OR14A2: variants seen among roughly 807,000 people sequenced by gnomAD.
OR14A2 encodes olfactory receptor 14A2.
For missense variants in OR14A2, 237 were observed against 152.9 expected, an observed-to-expected ratio of 1.55 and a Z score of -2.90; for synonymous variants, 114 against 58.6, an observed-to-expected ratio of 1.95 and a Z score of -4.32.
chr1:247,741,533 A>T, the OR14A2 span, among the ~76,000 whole-genome samples: 2 of 152,220 alleles, frequency 1.3e-5, no homozygotes, highest in Non-Finnish European at 2.9e-5. Flanking sequence ...TGTGTTTGAG[A>T]ACTGAAGGCA....
At chr1:247,725,748 T>C (rs1045960321), upstream of OR14A2, among the ~76,000 whole-genome samples, 1 of 133,470 alleles carries the variant, frequency 7.5e-6, no homozygotes, top group Admixed American at 7.7e-5. Flanking sequence ...GATCTCATTG[T>C]TCAGTTCCCA....
At chr1:247,737,834 A>C in the OR14A2 span, among the ~76,000 whole-genome samples, 1 of 152,136 alleles carries the variant, frequency 6.6e-6, no homozygotes, top group Non-Finnish European at 1.5e-5. Context: ...GACACACTGC[A>C]TCTCTGGTTA....
the OR14A2 span, among the ~76,000 whole-genome samples, chr1:247,745,659 A>G: frequency 6.6e-6 from 1 of 152,138 alleles, no homozygotes; most frequent in South Asian, 2.1e-4. Flanking sequence ...TATATAGAAA[A>G]CTTAAGCAAA....
At chr1:247,734,474 ATTAAT>A in the OR14A2 span, among the ~76,000 whole-genome samples, 4 of 152,190 alleles carry the variant, frequency 2.6e-5, no homozygotes, top group African/African-American at 9.7e-5. Context: ...GTATCTACTG[ATTAAT>A]TTAACAAAAT....
the OR14A2 span, among the ~76,000 whole-genome samples, chr1:247,742,783 A>G: frequency 6.6e-6 from 1 of 152,238 alleles, no homozygotes; most frequent in Non-Finnish European, 1.5e-5. Context: ...GGAGGATACA[A>G]AGATGGGGAA....
upstream of OR14A2, among the ~76,000 whole-genome samples, chr1:247,724,967 CA>C (rs941227456): frequency 6.6e-6 from 1 of 151,232 alleles, no homozygotes; most frequent in African/African-American, 2.4e-5. Context: ...TTGAAAAGAT[CA>C]AAAAAATGTT....
the OR14A2 span, among the ~76,000 whole-genome samples, chr1:247,741,198 G>A: frequency 6.6e-6 from 1 of 152,122 alleles, no homozygotes; most frequent in Non-Finnish European, 1.5e-5. Context: ...ATATCTTCTA[G>A]TGAGCTTTGC....
the OR14A2 span, among the ~76,000 whole-genome samples, chr1:247,746,007 A>G: frequency 6.6e-6 from 1 of 152,150 alleles, no homozygotes. Flanking sequence ...ATCACCTTAA[A>G]ACAGGGAAAA....
the OR14A2 span, among the ~76,000 whole-genome samples, chr1:247,733,776 A>G: frequency 2.0e-5 from 3 of 152,194 alleles, no homozygotes; most frequent in Non-Finnish European, 4.4e-5. Flanking sequence ...CTGGATCAAA[A>G]AGGATTATTC....
At chr1:247,738,688 A>C in the OR14A2 span, 6 of 780,738 alleles carry the variant, frequency 7.7e-6, no homozygotes, top group African/African-American at 1.7e-5. Flanking sequence ...CTGAGGCTGC[A>C]TGCTTTGCTC....
upstream of OR14A2, among the ~76,000 whole-genome samples, chr1:247,728,572 C>T (rs1025442327): frequency 7.2e-5 from 11 of 151,868 alleles, no homozygotes; most frequent in African/African-American, 1.2e-4. Context: ...AGTTCTGGCC[C>T]GGGCATTTAG....
upstream of OR14A2, among the ~76,000 whole-genome samples, chr1:247,727,976 C>T (rs1206543866): frequency 1.4e-5 from 2 of 144,784 alleles, no homozygotes; most frequent in South Asian, 2.2e-4. Context: ...GGATTCACAG[C>T]CGAATTCTAC....
upstream of OR14A2, among the ~76,000 whole-genome samples, chr1:247,728,719 C>T (rs1047927773): frequency 6.6e-6 from 1 of 152,088 alleles, no homozygotes; most frequent in Non-Finnish European, 1.5e-5. Flanking sequence ...AGTACTTTAA[C>T]ATTTTACCAA....
the OR14A2 span, chr1:247,739,430 G>A: frequency 7.7e-6 from 6 of 780,650 alleles, no homozygotes; most frequent in African/African-American, 8.5e-5. Context: ...ACTTGCTGGT[G>A]TCTGTGTTCT....
At chr1:247,734,095 C>T in the OR14A2 span, among the ~76,000 whole-genome samples, 74 of 152,274 alleles carry the variant, frequency 4.9e-4, 2 homozygotes, top group East Asian at 0.013. Flanking sequence ...CCTCCAAGAC[C>T]TCTGAATCTG....
chr1:247,724,008 A>G (rs1660274025), exon 1 of OR14A2: 2 of 715,086 alleles, frequency 2.8e-6, no homozygotes, highest in South Asian at 1.5e-5. Context: ...AAAACCCCAT[A>G]AGAAGAAATC....
At chr1:247,723,794 G>A in exon 1 of OR14A2, 1 of 718,112 alleles carries the variant, frequency 1.4e-6, no homozygotes, top group Non-Finnish European at 2.6e-6. Context: ...TTGTGGGTTA[G>A]GTTGTTGACA....
At chr1:247,724,034 C>T in exon 1 of OR14A2, 1 of 709,836 alleles carries the variant, frequency 1.4e-6, no homozygotes. Flanking sequence ...ACCAAGGTGA[C>T]ATTGGCCATA....
chr1:247,730,281 T>G, the OR14A2 span, among the ~76,000 whole-genome samples: 9 of 152,028 alleles, frequency 5.9e-5, no homozygotes, highest in African/African-American at 2.2e-4. Context: ...ACAAATCCAG[T>G]TGATTCAAAC....
Sources: gnomAD v4.1 joint callset for allele counts (sites outside exome capture counted in the v4.1 genomes callset) on GRCh38, gnomAD v4.1.1 for gene constraint, MANE v1.5 for transcripts, NCBI Gene and HGNC (gene_info 2026-07-23, HGNC 2026-07-21) for gene names.